Variants in CADM2 observed in about 807,000 individuals in gnomAD.
The protein encoded by CADM2 is immunoglobulin superfamily member 4D.
In CADM2, 12 loss-of-function variants were observed where a neutral mutation model predicts 49.8. The observed-to-expected ratio is 0.24, with a 90% CI of 0.15 to 0.39. The LOEUF is 0.39. CADM2 is among the 10% of genes least tolerant of loss of function. CADM2 has a pLI of 1.00. For synonymous variants in CADM2, 214 were observed against 175.4 expected (o/e 1.22, Z -1.74); for missense variants, 378 against 492.3 (o/e 0.77, Z 2.20).
At chr3:85,206,311 CT>C (rs546784330) in intron 1 of CADM2, among the ~76,000 whole-genome samples, 5,208 of 130,138 alleles carry the variant, frequency 0.04, 183 homozygotes, top group East Asian at 0.17. Flanking sequence ...TTTTTCTTTT[CT>C]TTTTTTTTTT....
chr3:85,520,202 A>G (rs756937023), intron 1 of CADM2, among the ~76,000 whole-genome samples: 1 of 151,978 alleles, frequency 6.6e-6, no homozygotes, highest in Non-Finnish European at 1.5e-5. Flanking sequence ...TCTGTGAATT[A>G]TTTACATATG....
intron 1 of CADM2, among the ~76,000 whole-genome samples, chr3:85,489,507 ACAT>A (rs2039570639): frequency 6.6e-6 from 1 of 152,148 alleles, no homozygotes; most frequent in Non-Finnish European, 1.5e-5. Flanking sequence ...TCATTTGTAA[ACAT>A]CAATACATGA....
chr3:85,755,529 T>C (rs1044777380), intron 2 of CADM2, among the ~76,000 whole-genome samples: 2 of 152,158 alleles, frequency 1.3e-5, no homozygotes, highest in Admixed American at 1.3e-4. Flanking sequence ...TAGTCCATTC[T>C]TGCACTACTA....
chr3:84,966,141 C>T (rs1477150265), intron 1 of CADM2, among the ~76,000 whole-genome samples: 2 of 152,062 alleles, frequency 1.3e-5, no homozygotes, highest in East Asian at 1.9e-4. Context: ...TAAGCATATA[C>T]GAAACCGTTT....
chr3:85,292,762 C>G (rs1051392034), intron 1 of CADM2, among the ~76,000 whole-genome samples: 2 of 152,116 alleles, frequency 1.3e-5, no homozygotes, highest in Non-Finnish European at 2.9e-5. Flanking sequence ...ACACAACATA[C>G]CAGAATCTCT....
chr3:85,386,684 A>G (rs1050990586), intron 1 of CADM2, among the ~76,000 whole-genome samples: 1 of 152,198 alleles, frequency 6.6e-6, no homozygotes, highest in Non-Finnish European at 1.5e-5. Flanking sequence ...CAGGGTTGGA[A>G]GGATAATTAA....
At chr3:85,706,804 C>T (rs2066964697) in intron 1 of CADM2, among the ~76,000 whole-genome samples, 1 of 152,024 alleles carries the variant, frequency 6.6e-6, no homozygotes, top group Non-Finnish European at 1.5e-5. Context: ...ACTTGAACCC[C>T]ATTAAAATGT....
chr3:85,081,321 A>G (rs747463225), intron 1 of CADM2, among the ~76,000 whole-genome samples: 11 of 152,134 alleles, frequency 7.2e-5, no homozygotes, highest in Non-Finnish European at 1.2e-4. Context: ...ATTAGCTTCT[A>G]TCAAAAACTA....
chr3:85,361,039 T>C (rs1448777785), intron 1 of CADM2, among the ~76,000 whole-genome samples: 1 of 152,214 alleles, frequency 6.6e-6, no homozygotes, highest in African/African-American at 2.4e-5. Flanking sequence ...CTTTCTTGTC[T>C]GGACCATCAG....
At chr3:85,772,410 T>A (rs143332618) in intron 2 of CADM2, among the ~76,000 whole-genome samples, 23 of 152,214 alleles carry the variant, frequency 1.5e-4, no homozygotes, top group Admixed American at 2.0e-4. Flanking sequence ...ATTTTATCTG[T>A]GTGTATGTGT....
rs115179623 is a variant in CADM2 at position 84,985,998 on chromosome 3, G to A, written c.61+26330G>A. 4.4e-3 allele frequency among the ~76,000 whole-genome samples: 665 copies of A among 152,304 alleles called. 1 individual carries two copies. The highest frequency in any genetic ancestry group is 0.014 in the African/African-American group (600 of 41,566). On this transcript the variant is annotated intron_variant, in intron 1 of 9. Transcript: ENST00000383699. ...CATAGCCAGTTGCTGCTGAGTAAGCGTTTCTGAAAGCCTCTCAATGAACTT... is the reference window on the plus strand; with the variant it reads ...CATAGCCAGTTGCTGCTGAGTAAGCATTTCTGAAAGCCTCTCAATGAACTT...
At chr3:85,279,236 T>G (rs1464279119) in intron 1 of CADM2, among the ~76,000 whole-genome samples, 1 of 151,586 alleles carries the variant, frequency 6.6e-6, no homozygotes, top group Admixed American at 6.6e-5. Flanking sequence ...CCTAAATACA[T>G]GGATAATCTT....
intron 8 of CADM2, among the ~76,000 whole-genome samples, chr3:86,028,367 A>G (rs1468478624): frequency 6.6e-6 from 1 of 152,148 alleles, no homozygotes; most frequent in African/African-American, 2.4e-5. Flanking sequence ...TTAAGGGGCT[A>G]TTAATTATTT....
intron 5 of CADM2, among the ~76,000 whole-genome samples, chr3:85,889,445 T>G (rs1204466696): frequency 6.6e-6 from 1 of 152,114 alleles, no homozygotes; most frequent in Admixed American, 6.6e-5. Context: ...AGCCTGAAAA[T>G]GTGCGTGTTT....
chr3:85,779,262 A>C (rs2070511246), intron 2 of CADM2, among the ~76,000 whole-genome samples: 1 of 152,010 alleles, frequency 6.6e-6, no homozygotes, highest in Non-Finnish European at 1.5e-5. Flanking sequence ...GTTTATTTTT[A>C]CACAACTTTA....
At chr3:86,065,426 G>A (rs1045415234) in intron 8 of CADM2, among the ~76,000 whole-genome samples, 179 bp from the exon 9 acceptor site, 2 of 152,150 alleles carry the variant, frequency 1.3e-5, no homozygotes, top group Admixed American at 6.6e-5. Flanking sequence ...TATATCAAAT[G>A]TTATATCCCC....
chr3:85,473,610 A>G (rs556813756), intron 1 of CADM2, among the ~76,000 whole-genome samples: 1 of 152,212 alleles, frequency 6.6e-6, no homozygotes, highest in African/African-American at 2.4e-5. Flanking sequence ...TTCACTCCTG[A>G]ATCCTCAAAT....
chr3:85,607,890 C>T (rs913636330), intron 1 of CADM2, among the ~76,000 whole-genome samples: 4 of 151,896 alleles, frequency 2.6e-5, no homozygotes, highest in Non-Finnish European at 5.9e-5. Context: ...CTCCTGACCT[C>T]GTGATCTGCT....
chr3:85,448,909 G>A (rs910244656), intron 1 of CADM2, among the ~76,000 whole-genome samples: 1 of 151,648 alleles, frequency 6.6e-6, no homozygotes, highest in Non-Finnish European at 1.5e-5. Context: ...AATTAGCTGG[G>A]GATGGTGGTG....
Sources: gnomAD v4.1 joint callset for allele counts (sites outside exome capture counted in the v4.1 genomes callset) on GRCh38, gnomAD v4.1.1 for gene constraint, MANE v1.5 for transcripts, NCBI Gene and HGNC (gene_info 2026-07-23, HGNC 2026-07-21) for gene names.